The following CYFIP1 variants were observed in gnomAD, a reference collection of about 807,000 sequenced individuals.
CYFIP1 encodes cytoplasmic FMR1-interacting protein 1.
CYFIP1 carries 58 observed loss-of-function variants against 163.5 expected under a neutral mutation model. That is an observed-to-expected ratio of 0.35 (90% CI 0.29 to 0.44). The LOEUF (loss-of-function observed/expected upper bound fraction) is 0.44. Among genes scored for constraint, CYFIP1 ranks in the 20% least tolerant of loss-of-function variants. CYFIP1 has a pLI of 1.00. For synonymous variants in CYFIP1, 663 were observed against 660.7 expected, an observed-to-expected ratio of 1.00 and a Z score of -0.05; for missense variants, 1,338 against 1,653.8, an observed-to-expected ratio of 0.81 and a Z score of 3.31.
At chr15:22,874,816 G>A (rs2059536352) in intron 27 of CYFIP1, among the ~76,000 whole-genome samples, 172 bp from the exon 28 acceptor site, 1 of 151,976 alleles carries the variant, frequency 6.6e-6, no homozygotes, top group Non-Finnish European at 1.5e-5. Context: ...ATTCAAACCG[G>A]CAGAACCAAT....
intron 1 of CYFIP1, among the ~76,000 whole-genome samples, chr15:22,966,888 T>C (rs1213475388): frequency 1.3e-5 from 2 of 152,240 alleles, no homozygotes; most frequent in South Asian, 4.2e-4. Context: ...GTGCACACAC[T>C]GTATGAGACA....
At chr15:22,952,728 A>C (rs2062301080) in intron 1 of CYFIP1, among the ~76,000 whole-genome samples, 1 of 150,928 alleles carries the variant, frequency 6.6e-6, no homozygotes, top group East Asian at 2.0e-4. Flanking sequence ...ACTACAATCA[A>C]AAATAGCAAT....
intron 11 of CYFIP1, among the ~76,000 whole-genome samples, chr15:22,929,530 G>A (rs1166077693): frequency 2.0e-5 from 3 of 150,824 alleles, no homozygotes. Context: ...TACTTGGGAG[G>A]CTGAGGCAGG....
At chr15:22,945,283 C>A (rs374603742) in intron 3 of CYFIP1, among the ~76,000 whole-genome samples, 31 of 152,320 alleles carry the variant, frequency 2.0e-4, no homozygotes, top group African/African-American at 6.0e-4. Context: ...TCAGGGCAGA[C>A]GCCCTGCCCG....
intron 1 of CYFIP1, among the ~76,000 whole-genome samples, chr15:22,963,702 G>A (rs948455201): frequency 2.0e-5 from 3 of 152,116 alleles, no homozygotes; most frequent in Non-Finnish European, 4.4e-5. Flanking sequence ...CAGGCTGGAC[G>A]CTGGCACGTA....
intron 25 of CYFIP1, among the ~76,000 whole-genome samples, chr15:22,881,074 G>A (rs970749102): frequency 2.0e-5 from 3 of 152,164 alleles, no homozygotes; most frequent in Non-Finnish European, 4.4e-5. Context: ...TGGCTGAGGG[G>A]GACACCTTAT....
At chr15:22,930,411 A>C (rs1403716357) in intron 11 of CYFIP1, among the ~76,000 whole-genome samples, 3 of 148,838 alleles carry the variant, frequency 2.0e-5, no homozygotes, top group East Asian at 3.9e-4. Context: ...AAAAAAAAAA[A>C]ACTGTACTCC....
intron 26 of CYFIP1, among the ~76,000 whole-genome samples, chr15:22,875,659 CCA>C (rs985141375): frequency 2.0e-5 from 3 of 151,930 alleles, no homozygotes; most frequent in Non-Finnish European, 2.9e-5. Context: ...CTCTTAAGAA[CCA>C]CAGTTTATGA....
At chr15:22,882,273 G>A (rs907002009) in intron 24 of CYFIP1, among the ~76,000 whole-genome samples, 1 of 152,186 alleles carries the variant, frequency 6.6e-6, no homozygotes, top group Non-Finnish European at 1.5e-5. Context: ...GGTCCCCCAG[G>A]ACGCTGTCTG....
chr15:22,939,557 TAAAA>T (rs56068008), intron 6 of CYFIP1, 50 bp from the exon 7 acceptor site: 744 of 285,258 alleles, frequency 2.6e-3, no homozygotes, highest in East Asian at 3.4e-3. Flanking sequence ...GTGCCACATT[TAAAA>T]AAAAAAAAAA....
chr15:22,930,786 A>G (rs1035754450), intron 11 of CYFIP1, among the ~76,000 whole-genome samples: 1 of 152,236 alleles, frequency 6.6e-6, no homozygotes, highest in Non-Finnish European at 1.5e-5. Context: ...GCTCTTTTTA[A>G]AAGTAAAAAG....
At chr15:22,897,608 T>C (rs747823235) in intron 22 of CYFIP1, among the ~76,000 whole-genome samples, 1 of 151,948 alleles carries the variant, frequency 6.6e-6, no homozygotes, top group African/African-American at 2.4e-5. Flanking sequence ...CTCAGCCTCC[T>C]GAGTAGCTGG....
chr15:22,878,710 A>G (rs1047485562), intron 26 of CYFIP1, among the ~76,000 whole-genome samples: 9 of 152,118 alleles, frequency 5.9e-5, no homozygotes, highest in African/African-American at 2.2e-4. Flanking sequence ...TAAAAAAAAA[A>G]AGGCTACATC....
chr15:22,980,725 C>T (rs1162725330), upstream of CYFIP1, among the ~76,000 whole-genome samples: 1 of 150,274 alleles, frequency 6.7e-6, no homozygotes, highest in Admixed American at 6.6e-5. Context: ...TTGGCCTGAG[C>T]TGCGGAAGGA....
intron 22 of CYFIP1, among the ~76,000 whole-genome samples, chr15:22,902,452 A>C (rs2142006174): frequency 6.6e-6 from 1 of 152,366 alleles, no homozygotes; most frequent in African/African-American, 2.4e-5. Flanking sequence ...ATTTTTACCA[A>C]GGAAACCTCT....
chr15:22,928,016 A>G lies in CYFIP1; in HGVS notation c.1123T>C (p.Ser375Pro). 2 of 1,567,036 alleles carry G rather than the reference A, an allele frequency of 1.3e-6. No individual in the cohort carries two copies. The highest frequency in any genetic ancestry group is 1.7e-6 in the Non-Finnish European group (2 of 1,160,604). Reference protein sequence around the residue: ...RYSNSEVVTGSGRQEAQKTDA... With the variant: ...RYSNSEVVTGPGRQEAQKTDA... ...GTCTTCTGGGCCTCCTGGCGGCCCG[A>G]GCCCGTGACCACCTGCACAAGGCGG... Residue 375 changes from serine to proline, a missense_variant, in exon 12 of 31, where the codon TCG becomes CCG. Coordinates refer to ENST00000617928, the MANE Select transcript of CYFIP1 (RefSeq NM_014608.6).
At chr15:22,927,781 T>A (rs1284083483) in intron 12 of CYFIP1, 125 bp downstream of exon 12, 7 of 932,450 alleles carry the variant, frequency 7.5e-6, no homozygotes, top group Non-Finnish European at 1.1e-5. Flanking sequence ...CTTGGAAACA[T>A]ATCTACTGAT....
intron 1 of CYFIP1, among the ~76,000 whole-genome samples, chr15:22,962,389 CTTCT>C (rs1176486121): frequency 6.9e-6 from 1 of 144,876 alleles, no homozygotes. Context: ...CATCTATATT[CTTCT>C]TTTTTTTCTT....
chr15:22,934,530 G>A (rs2061650979), intron 9 of CYFIP1, among the ~76,000 whole-genome samples: 1 of 80,750 alleles, frequency 1.2e-5, no homozygotes, highest in African/African-American at 5.0e-5. Context: ...GTCTCACTCT[G>A]TTACTAGGCT....
Sources: gnomAD v4.1 joint callset for allele counts (sites outside exome capture counted in the v4.1 genomes callset) on GRCh38, gnomAD v4.1.1 for gene constraint, MANE v1.5 for transcripts, NCBI Gene and HGNC (gene_info 2026-07-23, HGNC 2026-07-21) for gene names.